FLG: variants seen among roughly 807,000 people sequenced by gnomAD.
FLG encodes the protein epidermal filaggrin.
A neutral mutation model predicts 3.8 loss-of-function variants in FLG; 6 were observed. The ratio of observed to expected loss-of-function variants is 1.60; its 90% CI spans 0.87 to 3.15. The LOEUF (loss-of-function observed/expected upper bound fraction) is 3.15, where lower values mean the gene tolerates loss of function less well. FLG is among the 30% of genes most tolerant of loss of function. The pLI is 0.00. For missense variants in FLG, 7,595 were observed against 5,050.9 expected (o/e 1.50, Z -15.27); for synonymous variants, 2,551 against 1,931.6 (o/e 1.32, Z -8.41).
In FLG at chr1:152,312,292, C is replaced by A. The variant is rs761486953; in HGVS notation, c.2594G>T (p.Gly865Val). The A allele has an allele frequency of 6.2e-7, 1 of 1,613,714 alleles. No homozygotes were observed. The highest frequency in any genetic ancestry group is 1.7e-5 in the Admixed American group (1 of 59,982). ...SHHEQSVDRS[G>V]HSGSHHSHTT... ...GTGGCTGTGATGGGACCCTGAGTGT[C>A]CAGACCTATCTACCGATTGCTCGTG... Residue 865 changes from glycine (G) to valine (V), a missense_variant, in exon 3 of 3, where the codon GGA becomes GTA. Gly to Val is a moderately radical substitution (Grantham distance 109). Coordinates refer to ENST00000368799, the MANE Select transcript of FLG (RefSeq NM_002016.2).
Position 152,307,305 on chromosome 1 carries a change from G to C in FLG, c.7581C>G (p.Ser2527=), listed in dbSNP as rs556626859. 1.2e-6 allele frequency: 2 copies of C among 1,613,438 alleles called. No individual in the cohort carries two copies. Among genetic ancestry groups the C allele is most frequent in the East Asian group, 4.5e-5 (2 of 44,760 alleles). ...TRNDEQSGDG[S]RHSGSRHHEA... Reference sequence around the variant, plus strand: ...CATGGTGACGCGACCCTGAGTGCCTGGAGCCGTCTCCTGATTGTTCATCGT... The same window carrying C: ...CATGGTGACGCGACCCTGAGTGCCTCGAGCCGTCTCCTGATTGTTCATCGT... The change falls in exon 3 of 3, where the codon TCC becomes TCG. Residue 2527 remains serine, a synonymous_variant. Coordinates refer to ENST00000368799, the MANE Select transcript of FLG (RefSeq NM_002016.2).
intron 1 of FLG, among the ~76,000 whole-genome samples, chr1:152,324,506 A>AT (rs1653084111): frequency 6.6e-6 from 1 of 151,868 alleles, no homozygotes; most frequent in Admixed American, 6.6e-5. Flanking sequence ...CAACTCAAAG[A>AT]TAATTCCCTA....
rs12068900 is a variant in FLG, at chr1:152,309,254, A to T, written c.5632T>A (p.Ser1878Thr). Reference sequence around the variant, plus strand: ...TGGTGACGCGACCCTGAGTGCCTGGAGCCGTCTCCTGATTGTTTCTCATTA... The same window carrying T: ...TGGTGACGCGACCCTGAGTGCCTGGTGCCGTCTCCTGATTGTTTCTCATTA... ...TRNEKQSGDG[S>T]RHSGSRHHEA... Residue 1878 changes from serine to threonine, a missense_variant, in exon 3 of 3, where the codon TCC (serine) becomes ACC (threonine). Physicochemically the swap from Ser to Thr is moderately conservative, Grantham distance 58. Coordinates refer to ENST00000368799, the MANE Select transcript of FLG (RefSeq NM_002016.2). 524 of 1,613,496 alleles carry T rather than the reference A, an allele frequency of 3.2e-4. 2 individuals are homozygous for T. In the African/African-American group the frequency reaches 5.7e-3, roughly 18 times the overall value.
In FLG at chr1:152,309,288, T is replaced by G. The variant is rs183282325; in HGVS notation, c.5598A>C (p.Arg1866Ser). Residue 1866 changes from arginine (R) to serine (S), a missense_variant, in exon 3 of 3, where the codon AGA becomes AGC. Coordinates refer to ENST00000368799, the MANE Select transcript of FLG (RefSeq NM_002016.2). ...RGQSGSRSVS[R>S]QTRNEKQSGD... ...CTGATTGTTTCTCATTACGTGTTTGTCTGCTGACACTTCTGGATCCTGACT... is the reference window on the plus strand; with the variant it reads ...CTGATTGTTTCTCATTACGTGTTTGGCTGCTGACACTTCTGGATCCTGACT... 10 of 1,613,784 alleles carry G rather than the reference T, an allele frequency of 6.2e-6. No homozygotes were observed. Among genetic ancestry groups the G allele is most frequent in the East Asian group, 2.2e-5 (1 of 44,802 alleles).
In FLG at chr1:152,311,089, T is replaced by C. The variant is rs1557878442; in HGVS notation, c.3797A>G (p.Gln1266Arg). 6.2e-7 allele frequency: 1 copy of C among 1,613,956 alleles called. No individual in the cohort carries two copies. The highest frequency in any genetic ancestry group is 1.7e-5 in the Admixed American group (1 of 60,004). Residue 1266 changes from glutamine to arginine, a missense_variant, in exon 3 of 3, where the codon CAG becomes CGG. Transcript: ENST00000368799. ...ACTGTCCTGGCTAACACTGGATCCCTGGTGCCTGCTTGTCCTGGACCCCGA... is the reference window on the plus strand; with the variant it reads ...ACTGTCCTGGCTAACACTGGATCCCCGGTGCCTGCTTGTCCTGGACCCCGA... ...QSSGSRTSRH[Q>R]GSSVSQDSDS...
intron 1 of FLG, among the ~76,000 whole-genome samples, chr1:152,322,701 T>C (rs1047511433): frequency 6.6e-6 from 1 of 151,162 alleles, no homozygotes; most frequent in African/African-American, 2.4e-5. Flanking sequence ...AGAGCTATAC[T>C]CAGAAAATTA....
At position 152,304,279 on chromosome 1, in the gene FLG, C is replaced by T. The variant is rs1279541481; in HGVS notation, c.10607G>A (p.Gly3536Glu). The change falls in exon 3 of 3, where the codon GGA (glycine) becomes GAA (glutamate). Residue 3536 changes from glycine to glutamate, a missense_variant. Physicochemically the swap from Gly to Glu is moderately conservative, Grantham distance 98. Transcript: ENST00000368799. ...SAGPRTSRNQGSSVSQDSDSQ... is the reference protein window; with the variant it reads ...SAGPRTSRNQESSVSQDSDSQ... ...GTCACTGTCCTGGCTAACACTGGAT[C>T]CCTGGTTCCTGCTTGTCCTGGGCCC... The T allele has an allele frequency of 1.2e-6, 2 of 1,613,128 alleles. No individual in the cohort carries two copies. The highest frequency in any genetic ancestry group is 1.3e-5 in the African/African-American group (1 of 74,950).
intron 1 of FLG, 100 bp from the exon 2 acceptor site, chr1:152,315,577 A>T: frequency 7.7e-6 from 7 of 908,826 alleles, no homozygotes; most frequent in Non-Finnish European, 1.1e-5. Flanking sequence ...TTTTCCTCTA[A>T]GTAATCCATC....
At position 152,307,434 on chromosome 1, in the gene FLG, T is replaced by A. The variant is rs111937188; in HGVS notation, c.7452A>T (p.Arg2484Ser). 4 of 1,612,960 alleles carry A rather than the reference T, an allele frequency of 2.5e-6. No homozygotes were observed. Among genetic ancestry groups the A allele is most frequent in the Middle Eastern group, 1.7e-4 (1 of 6,058 alleles). ...TGTGATGAGACCCTGAGTGTCCAGA[T>A]CTATCTACCAATTGCTCGTAGTGGG... Reference protein sequence around the residue: ...QGSHYEQLVDRSGHSGSHHSH... With the variant: ...QGSHYEQLVDSSGHSGSHHSH... The change falls in exon 3 of 3, where the codon AGA (arginine) becomes AGT (serine). Residue 2484 changes from arginine to serine, a missense_variant. Coordinates refer to ENST00000368799, the MANE Select transcript of FLG (RefSeq NM_002016.2).
chr1:152,310,182 G>T lies in FLG; in HGVS notation c.4704C>A (p.Ala1568=), dbSNP rs766533034. Residue 1568 remains alanine, a synonymous_variant, in exon 3 of 3, where the codon GCC becomes GCA. Transcript: ENST00000368799. ...GSRHHEPSTR[A]GSSRHSQVGQ... ...CCACCTGTGAGTGTCTAGAGCTGCC[G>T]GCCCGAGTGGAAGGTTCATGGTGAC... is the stretch of plus-strand genomic sequence containing the variant. 1 of 1,613,732 alleles carries T rather than the reference G, an allele frequency of 6.2e-7. No homozygotes were observed. The highest frequency in any genetic ancestry group is 8.5e-7 in the Non-Finnish European group (1 of 1,179,962).
intron 1 of FLG, 71 bp from the exon 2 acceptor site, chr1:152,315,548 T>C (rs1652759676): frequency 3.2e-6 from 4 of 1,255,492 alleles, no homozygotes; most frequent in Admixed American, 4.4e-5. Flanking sequence ...ACAATCATTT[T>C]CCACATTTTA....
rs147716588 is a variant in FLG, at chr1:152,311,429, A to G, written c.3457T>C (p.Ser1153Pro). ...GSHHEQARDS[S>P]RHSASQEGQD... ...CCCTCTTGGGACGCTGAGTGCCTGG[A>G]GCTGTCTCGTGCCTGCTCGTGGTGG... The change falls in exon 3 of 3, where the codon TCC becomes CCC. Residue 1153 changes from serine (S) to proline (P), a missense_variant. Coordinates refer to ENST00000368799, the MANE Select transcript of FLG (RefSeq NM_002016.2). 264 of 1,613,578 alleles carry G rather than the reference A, an allele frequency of 1.6e-4. 1 individual carries two copies. Among genetic ancestry groups the G allele is most frequent in the Non-Finnish European group, 2.2e-4 (255 of 1,179,926 alleles).
chr1:152,314,115 A>T lies in FLG; in HGVS notation c.771T>A (p.Tyr257Ter), dbSNP rs778824842. The change falls in exon 3 of 3, where the codon TAT becomes TAA. Residue 257 changes from tyrosine to a stop codon, truncating the protein, a stop_gained. Coordinates refer to ENST00000368799, the MANE Select transcript of FLG (RefSeq NM_002016.2). LOFTEE classifies it low-confidence loss of function (END_TRUNC). Reference protein sequence around the residue: ...TDSLLEENKIYERSRSSDGKS... With the variant: ...TDSLLEENKI Reference sequence around the variant, plus strand: ...TGCCATCAGATGACCTTGATCTTTCATATATTTTGTTTTCTTCTAATAGAC... The same window carrying T: ...TGCCATCAGATGACCTTGATCTTTCTTATATTTTGTTTTCTTCTAATAGAC... 1.2e-6 allele frequency: 2 copies of T among 1,613,996 alleles called. No individual in the cohort carries two copies. The highest frequency in any genetic ancestry group is 2.2e-5 in the South Asian group (2 of 91,076).
rs779686340 is a variant in FLG, at chr1:152,312,698, C to T, written c.2188G>A (p.Ala730Thr). The T allele has an allele frequency of 1.2e-6, 2 of 1,614,036 alleles. No individual in the cohort carries two copies. The highest frequency in any genetic ancestry group is 1.7e-6 in the Non-Finnish European group (2 of 1,180,026). ...SRHSGTGHGQASSAVRDSGHR... is the reference protein window; with the variant it reads ...SRHSGTGHGQTSSAVRDSGHR... ...CCACTGTCTCTGACTGCAGATGAAGCTTGTCCGTGCCCAGTGCCTGAGTGT... is the reference window on the plus strand; with the variant it reads ...CCACTGTCTCTGACTGCAGATGAAGTTTGTCCGTGCCCAGTGCCTGAGTGT... Residue 730 changes from alanine to threonine, a missense_variant, in exon 3 of 3, where the codon GCT becomes ACT. Physicochemically the swap from Ala to Thr is moderately conservative, Grantham distance 58 (BLOSUM62 0). Transcript: ENST00000368799.
At position 152,310,093 on chromosome 1, in the gene FLG, C is replaced by T; in HGVS notation, c.4793G>A (p.Arg1598Lys). The change falls in exon 3 of 3, where the codon AGG (arginine) becomes AAG (lysine). Residue 1598 changes from arginine (R) to lysine (K), a missense_variant. Transcript: ENST00000368799. ...RRQGSSVSQD[R>K]DSEGHSEDSE... Reference sequence around the variant, plus strand: ...GTCTTCTGAGTGTCCCTCACTGTCCCTGTCCTGACTAACACTGGATCCCTG... The same window carrying T: ...GTCTTCTGAGTGTCCCTCACTGTCCTTGTCCTGACTAACACTGGATCCCTG... 6.2e-7 allele frequency: 1 copy of T among 1,613,988 alleles called. No homozygotes were observed. The highest frequency in any genetic ancestry group is 8.5e-7 in the Non-Finnish European group (1 of 1,179,982).
rs1218957616 is a variant in FLG, at chr1:152,307,642, A to T, written c.7244T>A (p.Leu2415His). 3.1e-5 allele frequency: 50 copies of T among 1,612,928 alleles called. No individual in the cohort carries two copies. Among genetic ancestry groups the T allele is most frequent in the Non-Finnish European group, 4.0e-5 (47 of 1,179,806 alleles). Reference sequence around the variant, plus strand: ...CTGTTCATGAGTGCTCACCTGGTAGAGGAAAGACCCTGAACGTCCAGACCT... The same window carrying T: ...CTGTTCATGAGTGCTCACCTGGTAGTGGAAAGACCCTGAACGTCCAGACCT... Reference protein sequence around the residue: ...AGRSGRSGSFLYQVSTHEQSE... With the variant: ...AGRSGRSGSFHYQVSTHEQSE... Residue 2415 changes from leucine (L) to histidine (H), a missense_variant, in exon 3 of 3, where the codon CTC (leucine) becomes CAC (histidine). By Grantham distance (99) the Leu-to-His change is moderately conservative. Transcript: ENST00000368799.
chr1:152,305,395 G>A lies in FLG; in HGVS notation c.9491C>T (p.Thr3164Ile), dbSNP rs745642082. ...TCCTGATTGTTCCTCATTACGTGTTGTTCTGCTTGCACTTCTGGATCCTGA... is the reference window on the plus strand; with the variant it reads ...TCCTGATTGTTCCTCATTACGTGTTATTCTGCTTGCACTTCTGGATCCTGA... ...GQSGSRSASR[T>I]TRNEEQSGDS... Residue 3164 changes from threonine (T) to isoleucine (I), a missense_variant, in exon 3 of 3, where the codon ACA becomes ATA. Physicochemically the swap from Thr to Ile is moderately conservative, Grantham distance 89. Coordinates refer to ENST00000368799, the MANE Select transcript of FLG (RefSeq NM_002016.2). The A allele has an allele frequency of 6.2e-7, 1 of 1,605,186 alleles. No homozygotes were observed.
At position 152,309,250 on chromosome 1, in the gene FLG, C is replaced by G. The variant is rs776671577; in HGVS notation, c.5636G>C (p.Arg1879Thr). 1 of 1,613,808 alleles carries G rather than the reference C, an allele frequency of 6.2e-7. No individual in the cohort carries two copies. Among genetic ancestry groups the G allele is most frequent in the Non-Finnish European group, 8.5e-7 (1 of 1,179,976 alleles). The change falls in exon 3 of 3, where the codon AGG becomes ACG. Residue 1879 changes from arginine (R) to threonine (T), a missense_variant. Arg to Thr is a moderately conservative substitution (Grantham distance 71). Coordinates refer to ENST00000368799, the MANE Select transcript of FLG (RefSeq NM_002016.2). The stretch of plus-strand genomic sequence containing the variant: ...TTCATGGTGACGCGACCCTGAGTGC[C>G]TGGAGCCGTCTCCTGATTGTTTCTC... ...RNEKQSGDGS[R>T]HSGSRHHEAS...
rs539474413 is a variant in FLG, at chr1:152,305,263, C to A, written c.9623G>T (p.Ser3208Ile). Residue 3208 changes from serine to isoleucine, a missense_variant, in exon 3 of 3, where the codon AGC (serine) becomes ATC (isoleucine). Ser to Ile is a moderately radical substitution (Grantham distance 142). Coordinates refer to ENST00000368799, the MANE Select transcript of FLG (RefSeq NM_002016.2). Reference protein sequence around the residue: ...VQGQSEGSRRSRRQGSSVSQD... With the variant: ...VQGQSEGSRRIRRQGSSVSQD... ...GCTCACACTGGATCCCTGGCGCCTG[C>A]TTCTCCTGGACCCCTCTGATTGTCC... 1.8e-5 allele frequency: 29 copies of A among 1,612,390 alleles called. No homozygotes were observed. The highest frequency in any genetic ancestry group is 2.3e-5 in the Non-Finnish European group (27 of 1,179,764).
Sources: gnomAD v4.1 joint callset for allele counts (sites outside exome capture counted in the v4.1 genomes callset) on GRCh38, gnomAD v4.1.1 for gene constraint, MANE v1.5 for transcripts, NCBI Gene and HGNC (gene_info 2026-07-23, HGNC 2026-07-21) for gene names.